The following ROCK2 variants were observed in gnomAD, a reference collection of about 807,000 sequenced individuals.
ROCK2 encodes Rho associated coiled-coil containing protein kinase 2.
ROCK2 carries 61 observed loss-of-function variants against 195.1 expected under a neutral mutation model. The ratio of observed to expected loss-of-function variants is 0.31; its 90% CI spans 0.25 to 0.39. ROCK2 has a LOEUF of 0.39. Ranked by LOEUF, ROCK2 falls within the 10% of genes least tolerant of loss-of-function variation. The pLI, the probability that ROCK2 is intolerant of heterozygous loss-of-function variation, is 1.00. For synonymous variants in ROCK2, 504 were observed against 545.5 expected, an observed-to-expected ratio of 0.92 and a Z score of 1.06; for missense variants, 1,109 against 1,637.4, an observed-to-expected ratio of 0.68 and a Z score of 5.57.
At chr2:11,260,361 T>C (rs536165669) in intron 3 of ROCK2, among the ~76,000 whole-genome samples, 32 of 150,560 alleles carry the variant, frequency 2.1e-4, no homozygotes, top group African/African-American at 7.5e-4. Context: ...GGCAGGAGAA[T>C]TGCTTGAACC....
rs1572224227 is a variant in ROCK2, at chr2:11,193,857, G to A, written c.3609C>T (p.Asp1203=). ...QSNPYMVLDI[D]KLFHVRPVTQ... is the part of the protein sequence containing the mutation. ...TAACTGGTCGGACATGAAATAACTT[G>A]CTATAAAAAATTTTGAATAAAGGAA... The change falls in exon 30 of 33, where the codon GAC becomes GAT. Residue 1203 remains aspartate, a splice_region_variant and synonymous_variant. Transcript: ENST00000315872. The A allele has an allele frequency of 1.3e-6, 2 of 1,582,424 alleles. No individual in the cohort carries two copies. Among genetic ancestry groups the A allele is most frequent in the South Asian group, 1.1e-5 (1 of 88,132 alleles).
intron 1 of ROCK2, chr2:11,308,015 G>A: frequency 6.4e-7 from 1 of 1,554,056 alleles, no homozygotes; most frequent in Non-Finnish European, 8.7e-7. Context: ...GGACGGGGTG[G>A]GGACCAGCCA....
chr2:11,222,198 T>C (rs2148076741), intron 7 of ROCK2, 24 bp from the exon 8 acceptor site: 2 of 1,344,032 alleles, frequency 1.5e-6, no homozygotes, highest in East Asian at 4.6e-5. Context: ...TTAAAGATTG[T>C]ATTATTTAAA....
At chr2:11,331,581 C>A (rs76422064) in intron 1 of ROCK2, among the ~76,000 whole-genome samples, 3 of 149,648 alleles carry the variant, frequency 2.0e-5, no homozygotes, top group African/African-American at 2.5e-5. Flanking sequence ...CAGAATGGAA[C>A]AAAAAAAAAA....
rs2148014638 is a variant in ROCK2 at position 11,182,408 on chromosome 2, T to C, written c.*1029A>G. 1 of 152,312 alleles carries C rather than the reference T, an allele frequency of 6.6e-6. No individual in the cohort carries two copies. Among genetic ancestry groups the C allele is most frequent in the South Asian group, 2.1e-4 (1 of 4,828 alleles). 9.4% of individuals were successfully genotyped at this position (152,312 alleles called of 1,614,324 possible). A position where few individuals can be genotyped will look rare whatever the true frequency, so the allele number is the denominator to read the frequency against. ...CAGCAAATTTAAAGCAAATAAAATA[T>C]TTTGTAGTCACAGACTAATACTGAG... On this transcript the variant is annotated 3_prime_UTR_variant, in exon 33 of 33. Transcript: ENST00000315872.
chr2:11,311,454 G>A (rs891451076), intron 1 of ROCK2, among the ~76,000 whole-genome samples: 5 of 152,008 alleles, frequency 3.3e-5, no homozygotes, highest in Non-Finnish European at 7.4e-5. Context: ...CTGGACTTAC[G>A]AAGAAGAAAA....
rs1359615725 is a variant in ROCK2 at position 11,214,453 on chromosome 2, A to G, written c.1947T>C (p.Cys649=). ...EIINDLQGRI[C]GLEEDLKNGK... is the part of the protein sequence containing the mutation. Reference sequence around the variant, plus strand: ...CGTTCTTTAAATCTTCTTCTAGGCCACATATTCTACCTAAAAATTGCAACG... The same window carrying G: ...CGTTCTTTAAATCTTCTTCTAGGCCGCATATTCTACCTAAAAATTGCAACG... Residue 649 remains cysteine (C), a synonymous_variant, in exon 17 of 33, where the codon TGT becomes TGC. Coordinates refer to ENST00000315872, the MANE Select transcript of ROCK2 (RefSeq NM_004850.5). The G allele has an allele frequency of 3.8e-6, 6 of 1,596,214 alleles. No homozygotes were observed. The highest frequency in any genetic ancestry group is 4.3e-6 in the Non-Finnish European group (5 of 1,167,370).
intron 3 of ROCK2, among the ~76,000 whole-genome samples, chr2:11,259,457 C>CA (rs145400124): frequency 0.043 from 6,478 of 151,334 alleles, 296 homozygotes; most frequent in Non-Finnish European, 0.06. Flanking sequence ...CTTCTGGATT[C>CA]AAAATCATAC....
At chr2:11,193,664 C>A in intron 30 of ROCK2, 115 bp downstream of exon 30, 5 of 517,110 alleles carry the variant, frequency 9.7e-6, no homozygotes, top group South Asian at 9.2e-5. Flanking sequence ...ATAAAGGTAA[C>A]CTGAAGAGGG....
Position 11,199,494 on chromosome 2 carries a change from A to T in ROCK2, c.2911-720T>A, listed in dbSNP as rs545034962. Among the ~76,000 whole-genome samples the T allele has an allele frequency of 7.9e-3, 1,099 of 139,852 alleles. 15 individuals carry two copies. The highest frequency in any genetic ancestry group is 0.026 in the African/African-American group (1,006 of 38,034). 91.7% of individuals were successfully genotyped at this position (139,852 alleles called of 152,430 possible). On this transcript the variant is annotated intron_variant, in intron 23 of 32. Transcript: ENST00000315872. ...GAACCACCACACCTGGATAAAAAAA[A>T]TTTTTTTTTTTTTTTGGTAGAAACA...
At chr2:11,194,842 G>C (rs1357257408) in intron 28 of ROCK2, 113 bp downstream of exon 28, 1 of 460,554 alleles carries the variant, frequency 2.2e-6, no homozygotes, top group Non-Finnish European at 3.8e-6. Flanking sequence ...GTATAAACAA[G>C]TTCTATGTGT....
In ROCK2 at chr2:11,236,033, A is replaced by G. The variant is rs557706934; in HGVS notation, c.463-71T>C. ...AAAATCATAATCAGAACAAAAATTT[A>G]AAAAACTATTATTACTATTGAAAAA... On this transcript the variant is annotated intron_variant, in intron 4 of 32. Transcript: ENST00000315872. 10 of 1,337,420 alleles carry G rather than the reference A, an allele frequency of 7.5e-6. No individual in the cohort carries two copies. In the East Asian group the frequency reaches 2.2e-4, roughly 30 times the overall value. The allele number at this position is 1,337,420 out of a possible 1,614,324, so 82.8% of individuals were successfully genotyped here. A position where few individuals can be genotyped will look rare whatever the true frequency, so the allele number is the denominator to read the frequency against.
chr2:11,209,630 C>G (rs1308937938), intron 18 of ROCK2, among the ~76,000 whole-genome samples: 1 of 152,020 alleles, frequency 6.6e-6, no homozygotes, highest in African/African-American at 2.4e-5. Flanking sequence ...AGGCAAAGTT[C>G]CAAGTGATTT....
rs1378335097 is a variant in ROCK2, at chr2:11,188,110, T to TA, written c.4163+4037_4163+4038insT. Among the ~76,000 whole-genome samples, 173 of 147,054 alleles carry TA rather than the reference T, an allele frequency of 1.2e-3. 3 individuals are homozygous for TA. The highest frequency in any genetic ancestry group is 4.3e-3 in the African/African-American group (172 of 39,944). On this transcript the variant is annotated intron_variant, in intron 32 of 32. Coordinates refer to ENST00000315872, the MANE Select transcript of ROCK2 (RefSeq NM_004850.5). Reference sequence around the variant, plus strand: ...TAGCCAAACTGGTATATAATTTTTTTTTTTTTTTTTTTTTTTGTGTGACGG... The same window carrying TA: ...TAGCCAAACTGGTATATAATTTTTTTATTTTTTTTTTTTTTTTGTGTGACGG...
In ROCK2 at chr2:11,244,586, T is replaced by G. The variant is rs556825605; in HGVS notation, c.462+5075A>C. Among the ~76,000 whole-genome samples the G allele has an allele frequency of 2.0e-5, 3 of 152,012 alleles. No individual in the cohort carries two copies. In the South Asian group the frequency reaches 6.2e-4, roughly 32 times the overall value. On this transcript the variant is annotated intron_variant, in intron 4 of 32. Coordinates refer to ENST00000315872, the MANE Select transcript of ROCK2 (RefSeq NM_004850.5). ...TTCGAGACCAGCCTGGGCAACATAG[T>G]GAGACCCCAATCTTTACCAAAGATG...
chr2:11,182,988 A>C lies in ROCK2; in HGVS notation c.*449T>G, dbSNP rs1476541600. 6.5e-6 allele frequency: 1 copy of C among 153,182 alleles called. No individual in the cohort carries two copies. The highest frequency in any genetic ancestry group is 1.5e-5 in the Non-Finnish European group (1 of 68,500). The allele number at this position is 153,182 out of a possible 1,614,324, so 9.5% of individuals were successfully genotyped here. A position where few individuals can be genotyped will look rare whatever the true frequency, so the allele number is the denominator to read the frequency against. ...TATATATATGTGTGTGTGTTTATAT[A>C]TATATACACAGTATAATGGTCACTT... is the stretch of plus-strand genomic sequence containing the variant. On this transcript the variant is annotated 3_prime_UTR_variant, in exon 33 of 33. Transcript: ENST00000315872.
intron 1 of ROCK2, among the ~76,000 whole-genome samples, chr2:11,295,609 G>T (rs1195522954): frequency 6.6e-6 from 1 of 152,150 alleles, no homozygotes; most frequent in South Asian, 2.1e-4. Flanking sequence ...TACACTGATG[G>T]CAGGATCTGT....
At chr2:11,218,243 C>T (rs749693583) in intron 11 of ROCK2, 6 of 379,178 alleles carry the variant, frequency 1.6e-5, no homozygotes, top group Non-Finnish European at 2.3e-5. Flanking sequence ...GTTATATGTC[C>T]TTGATAAATA....
At chr2:11,299,393 A>G (rs1323218834) in intron 1 of ROCK2, among the ~76,000 whole-genome samples, 1 of 152,212 alleles carries the variant, frequency 6.6e-6, no homozygotes, top group African/African-American at 2.4e-5. Flanking sequence ...TTAAGGCACA[A>G]CCAAGTACTT....
Sources: gnomAD v4.1 joint callset for allele counts (sites outside exome capture counted in the v4.1 genomes callset) on GRCh38, gnomAD v4.1.1 for gene constraint, MANE v1.5 for transcripts, NCBI Gene and HGNC (gene_info 2026-07-23, HGNC 2026-07-21) for gene names.